Variants in PRKG1 observed in about 807,000 individuals in gnomAD.
PRKG1 encodes the protein protein kinase cGMP-dependent 1.
Under a neutral mutation model 88.1 loss-of-function variants are expected in PRKG1, and 35 were observed. That is an observed-to-expected ratio of 0.40 (90% CI 0.30 to 0.53). The LOEUF (loss-of-function observed/expected upper bound fraction) is 0.53. Ranked by LOEUF, PRKG1 falls within the 20% of genes least tolerant of loss-of-function variation. The pLI is 0.59. For synonymous variants in PRKG1, 303 were observed against 292.5 expected, an observed-to-expected ratio of 1.04 and a Z score of -0.37; for missense variants, 540 against 839.8, an observed-to-expected ratio of 0.64 and a Z score of 4.41.
At chr10:52,033,456 T>C (rs1845522004) in intron 5 of PRKG1, among the ~76,000 whole-genome samples, 1 of 152,206 alleles carries the variant, frequency 6.6e-6, no homozygotes, top group African/African-American at 2.4e-5. Context: ...CTTAACCCTC[T>C]CTTTCTGGGT....
intron 2 of PRKG1, among the ~76,000 whole-genome samples, chr10:51,283,496 T>G (rs1248302526): frequency 6.6e-6 from 1 of 152,158 alleles, no homozygotes; most frequent in Non-Finnish European, 1.5e-5. Flanking sequence ...TTATATTTTT[T>G]TGTGCTTTTA....
At position 51,034,668 on chromosome 10, in the gene PRKG1, T is replaced by TTTATATATATATA. The variant is rs9299454; in HGVS notation, c.266+43025_266+43026insTATATATATATAT. On this transcript the variant is annotated intron_variant, in intron 1 of 17. Coordinates refer to the PRKG1 transcript ENST00000401604. ...AGCAAAATTATATATAATATGTTAT[T>TTTATATATATATA]TATATATATATATATATATATATAT... is the stretch of plus-strand genomic sequence containing the variant. Among the ~76,000 whole-genome samples the TTTATATATATATA allele has an allele frequency of 5.9e-3, 402 of 68,148 alleles. 45 individuals are homozygous for TTTATATATATATA. Among genetic ancestry groups the TTTATATATATATA allele is most frequent in the East Asian group, 0.014 (28 of 1,964 alleles). The allele number at this position is 68,148 out of a possible 152,430, so 44.7% of individuals were successfully genotyped here. A position where few individuals can be genotyped will look rare whatever the true frequency, so the allele number is the denominator to read the frequency against.
chr10:52,189,530 T>C (rs2132750840), intron 9 of PRKG1, among the ~76,000 whole-genome samples: 1 of 152,300 alleles, frequency 6.6e-6, no homozygotes, highest in South Asian at 2.1e-4. Flanking sequence ...GCAAACCCTA[T>C]TGTGAAATGC....
intron 5 of PRKG1, among the ~76,000 whole-genome samples, chr10:52,023,062 C>T (rs1295875231): frequency 6.6e-6 from 1 of 152,116 alleles, no homozygotes; most frequent in African/African-American, 2.4e-5. Flanking sequence ...GCAATCCTGA[C>T]CCTAGCCCCC....
At chr10:52,161,131 G>A (rs1188389673) in intron 8 of PRKG1, among the ~76,000 whole-genome samples, 1 of 151,822 alleles carries the variant, frequency 6.6e-6, no homozygotes, top group Non-Finnish European at 1.5e-5. Flanking sequence ...GGGCGATTCT[G>A]GTATACATGT....
At chr10:52,264,049 G>A (rs1313771716) in intron 10 of PRKG1, among the ~76,000 whole-genome samples, 1 of 151,928 alleles carries the variant, frequency 6.6e-6, no homozygotes, top group Non-Finnish European at 1.5e-5. Flanking sequence ...GAATTTTAGG[G>A]CAGTTTTATG....
At chr10:51,046,114 A>C (rs1398835395) in intron 1 of PRKG1, among the ~76,000 whole-genome samples, 1 of 152,254 alleles carries the variant, frequency 6.6e-6, no homozygotes, top group Non-Finnish European at 1.5e-5. Flanking sequence ...TTGCACAGTA[A>C]GAGCATGTGA....
At chr10:51,936,733 T>A (rs906080920) in intron 5 of PRKG1, among the ~76,000 whole-genome samples, 4 of 152,072 alleles carry the variant, frequency 2.6e-5, no homozygotes, top group Non-Finnish European at 4.4e-5. Flanking sequence ...TTTTTAAAAA[T>A]TTTTTTGCTT....
intron 2 of PRKG1, among the ~76,000 whole-genome samples, chr10:51,357,578 T>G (rs1365391470): frequency 6.6e-6 from 1 of 151,966 alleles, no homozygotes; most frequent in Non-Finnish European, 1.5e-5. Flanking sequence ...TCTCCACCTT[T>G]CAGAAACTAT....
chr10:51,811,005 A>T (rs143253328), intron 4 of PRKG1, among the ~76,000 whole-genome samples: 1 of 152,338 alleles, frequency 6.6e-6, no homozygotes, highest in African/African-American at 2.4e-5. Flanking sequence ...ATGTGATGTC[A>T]TTTAATTTCT....
At chr10:52,254,276 C>A (rs1421173465) in intron 10 of PRKG1, among the ~76,000 whole-genome samples, 1 of 151,950 alleles carries the variant, frequency 6.6e-6, no homozygotes, top group Non-Finnish European at 1.5e-5. Flanking sequence ...GAGAATGACG[C>A]ATGCAAGATA....
intron 5 of PRKG1, among the ~76,000 whole-genome samples, chr10:51,916,847 G>A (rs1842351502): frequency 6.6e-6 from 1 of 152,112 alleles, no homozygotes; most frequent in South Asian, 2.1e-4. Context: ...CTTTAAAATG[G>A]GTGAAGGACT....
At chr10:51,768,449 T>C (rs929697555) in intron 3 of PRKG1, among the ~76,000 whole-genome samples, 2 of 152,256 alleles carry the variant, frequency 1.3e-5, no homozygotes, top group Admixed American at 6.5e-5. Flanking sequence ...AGACCACACA[T>C]AGAGACAAAA....
At chr10:52,085,758 G>A (rs1387929092) in intron 7 of PRKG1, among the ~76,000 whole-genome samples, 1 of 152,046 alleles carries the variant, frequency 6.6e-6, no homozygotes, top group Non-Finnish European at 1.5e-5. Flanking sequence ...GTGTGTGTAT[G>A]TGTTCATCCC....
chr10:52,222,213 A>C (rs1840263072), intron 9 of PRKG1, among the ~76,000 whole-genome samples: 1 of 151,962 alleles, frequency 6.6e-6, no homozygotes, highest in South Asian at 2.1e-4. Context: ...AGAGTAGTTC[A>C]CCCATGGGAG....
At chr10:51,358,606 T>C (rs1842414883) in intron 2 of PRKG1, among the ~76,000 whole-genome samples, 1 of 151,864 alleles carries the variant, frequency 6.6e-6, no homozygotes, top group Non-Finnish European at 1.5e-5. Flanking sequence ...AGAGAGCTTG[T>C]AGTATAATAG....
At chr10:52,133,993 A>T (rs1381079424) in intron 8 of PRKG1, 88 bp downstream of exon 8, 2 of 967,358 alleles carry the variant, frequency 2.1e-6, no homozygotes, top group African/African-American at 3.3e-5. Flanking sequence ...TTATGGAGCT[A>T]TTAATACTTG....
chr10:52,260,350 A>G (rs954532076), intron 10 of PRKG1, among the ~76,000 whole-genome samples: 4 of 152,126 alleles, frequency 2.6e-5, no homozygotes, highest in African/African-American at 9.7e-5. Flanking sequence ...AAAATTATAA[A>G]GTCATTCATC....
intron 10 of PRKG1, among the ~76,000 whole-genome samples, chr10:52,262,277 G>GTTTT (rs1267033698): frequency 6.6e-6 from 1 of 151,526 alleles, no homozygotes; most frequent in Non-Finnish European, 1.5e-5. Flanking sequence ...TTGTTTGTTT[G>GTTTT]TTCTTTGTTT....
Sources: allele counts gnomAD v4.1 joint callset (sites outside exome capture counted in the v4.1 genomes callset), GRCh38; gene constraint gnomAD v4.1.1; transcripts MANE v1.5; gene names NCBI Gene and HGNC (gene_info 2026-07-23, HGNC 2026-07-21).